The following SUPT3H variants were observed in gnomAD, a reference collection of about 807,000 sequenced individuals.
SUPT3H encodes transcription initiation protein SPT3 homolog.
A neutral mutation model predicts 44.3 loss-of-function variants in SUPT3H; 44 were observed. The ratio of observed to expected loss-of-function variants is 0.99; its 90% CI spans 0.78 to 1.28. The LOEUF is 1.28. Ranked by LOEUF, SUPT3H falls within the 50% of genes most tolerant of loss-of-function variation. The pLI is 0.00. For synonymous variants in SUPT3H, 124 were observed against 125.6 expected, an observed-to-expected ratio of 0.99 and a Z score of 0.09; for missense variants, 380 against 387.1, an observed-to-expected ratio of 0.98 and a Z score of 0.15.
At chr6:45,140,902 A>G (rs1163270717) in intron 2 of SUPT3H, among the ~76,000 whole-genome samples, 1 of 152,216 alleles carries the variant, frequency 6.6e-6, no homozygotes, top group East Asian at 1.9e-4. Context: ...GAATGTGAAC[A>G]GCACGCCTTG....
chr6:44,995,271 C>A (rs1397112227), intron 6 of SUPT3H, among the ~76,000 whole-genome samples: 1 of 151,984 alleles, frequency 6.6e-6, no homozygotes, highest in Non-Finnish European at 1.5e-5. Flanking sequence ...AAACTAGAAT[C>A]TTCCTGATAT....
chr6:45,078,934 G>C (rs912446249), intron 3 of SUPT3H, among the ~76,000 whole-genome samples: 2 of 152,102 alleles, frequency 1.3e-5, no homozygotes, highest in African/African-American at 4.8e-5. Context: ...TTTTTCACTT[G>C]AATCTAACAT....
At chr6:44,922,679 A>G (rs756370549) in intron 10 of SUPT3H, among the ~76,000 whole-genome samples, 6 of 152,176 alleles carry the variant, frequency 3.9e-5, no homozygotes, top group Non-Finnish European at 7.4e-5. Context: ...TATTCAACTA[A>G]TTTGTATATA....
chr6:45,321,751 T>C (rs1286172622), intron 2 of SUPT3H: 2 of 1,345,306 alleles, frequency 1.5e-6, no homozygotes, highest in South Asian at 2.4e-5. Flanking sequence ...ACCCATAAAC[T>C]TGTTCTCTTG....
intron 6 of SUPT3H, among the ~76,000 whole-genome samples, chr6:44,999,267 T>C (rs1781689397): frequency 6.6e-6 from 1 of 151,918 alleles, no homozygotes; most frequent in Non-Finnish European, 1.5e-5. Context: ...GGTTGAATAG[T>C]GTTTCGGTTT....
intron 3 of SUPT3H, among the ~76,000 whole-genome samples, chr6:45,067,335 C>G (rs1793533359): frequency 7.7e-6 from 1 of 129,418 alleles, no homozygotes; most frequent in African/African-American, 2.7e-5. Context: ...AAGATTTAAA[C>G]GTTAGACCTA....
intron 10 of SUPT3H, among the ~76,000 whole-genome samples, chr6:44,852,566 T>A (rs990429900): frequency 1.3e-5 from 2 of 152,126 alleles, no homozygotes; most frequent in African/African-American, 4.8e-5. Context: ...CTTACCCTCT[T>A]CCCAACCTCC....
intron 3 of SUPT3H, among the ~76,000 whole-genome samples, chr6:45,024,232 G>C (rs1785603328): frequency 6.6e-6 from 1 of 152,132 alleles, no homozygotes; most frequent in African/African-American, 2.4e-5. Flanking sequence ...AGGAGGTTGA[G>C]AAGTAAAAGG....
intron 4 of SUPT3H, among the ~76,000 whole-genome samples, chr6:45,016,611 G>A (rs1183714347): frequency 6.7e-6 from 1 of 149,632 alleles, no homozygotes; most frequent in Non-Finnish European, 1.5e-5. Context: ...TTTTGTCCTT[G>A]TGATAGTTTA....
chr6:45,077,648 G>GGA (rs1554233660), intron 3 of SUPT3H, among the ~76,000 whole-genome samples: 14,225 of 105,564 alleles, frequency 0.13, 1,817 homozygotes, highest in African/African-American at 0.34. Context: ...AAAAAGAAAA[G>GGA]AAAAAAAAAA....
chr6:45,324,568 A>T (rs189982339), intron 2 of SUPT3H, among the ~76,000 whole-genome samples: 1 of 151,954 alleles, frequency 6.6e-6, no homozygotes, highest in Non-Finnish European at 1.5e-5. Flanking sequence ...GGAGAAAGAA[A>T]GGGAAAGAGG....
intron 10 of SUPT3H, among the ~76,000 whole-genome samples, chr6:44,883,900 C>T (rs1232078190): frequency 1.3e-5 from 2 of 152,120 alleles, no homozygotes; most frequent in African/African-American, 4.8e-5. Context: ...AACATAAGAC[C>T]TAAAACCATA....
chr6:44,882,948 T>A (rs559673517), intron 10 of SUPT3H, among the ~76,000 whole-genome samples: 1 of 152,352 alleles, frequency 6.6e-6, no homozygotes, highest in Non-Finnish European at 1.5e-5. Context: ...AGGCAAAAGC[T>A]GGAAGCATTC....
At chr6:45,282,817 G>A (rs945657609) in intron 2 of SUPT3H, among the ~76,000 whole-genome samples, 3 of 152,170 alleles carry the variant, frequency 2.0e-5, no homozygotes, top group Admixed American at 1.3e-4. Context: ...AGGAAATAAT[G>A]TTAAGGGCAG....
At chr6:44,870,059 T>C (rs1410348464) in intron 10 of SUPT3H, among the ~76,000 whole-genome samples, 2 of 152,218 alleles carry the variant, frequency 1.3e-5, no homozygotes, top group Non-Finnish European at 1.5e-5. Context: ...TTGCTTTTTT[T>C]CCCCCAAAGA....
At chr6:45,042,061 A>C (rs1165481285) in intron 3 of SUPT3H, among the ~76,000 whole-genome samples, 8 of 152,234 alleles carry the variant, frequency 5.3e-5, no homozygotes, top group Non-Finnish European at 1.2e-4. Flanking sequence ...AGTATGGCAT[A>C]GAATAAAAAA....
At chr6:44,848,263 C>A (rs751962523) in intron 10 of SUPT3H, among the ~76,000 whole-genome samples, 1 of 152,120 alleles carries the variant, frequency 6.6e-6, no homozygotes, top group Admixed American at 6.5e-5. Flanking sequence ...AGCCACTGTA[C>A]CCAGCCTGTG....
At chr6:45,262,684 G>A (rs4714845) in intron 2 of SUPT3H, among the ~76,000 whole-genome samples, 57,721 of 151,968 alleles carry the variant, frequency 0.38, 11,608 homozygotes, top group Non-Finnish European at 0.45. Context: ...CTGCACAGCA[G>A]AAGAAATTAT....
At chr6:44,994,928 G>GT (rs565947320) in intron 6 of SUPT3H, among the ~76,000 whole-genome samples, 579 of 143,972 alleles carry the variant, frequency 4.0e-3, no homozygotes, top group African/African-American at 9.3e-3. Context: ...GTTTGAATTG[G>GT]TTTTTTTTTT....
Sources: gnomAD v4.1 joint callset for allele counts (sites outside exome capture counted in the v4.1 genomes callset) on GRCh38, gnomAD v4.1.1 for gene constraint, MANE v1.5 for transcripts, NCBI Gene and HGNC (gene_info 2026-07-23, HGNC 2026-07-21) for gene names.